Variants in KATNIP observed in about 807,000 individuals in gnomAD.
KATNIP encodes katanin interacting protein.
KATNIP carries 126 observed loss-of-function variants against 174.0 expected under a neutral mutation model. That is an observed-to-expected ratio of 0.72 (90% CI 0.63 to 0.84). KATNIP has a LOEUF of 0.84. KATNIP is among the 40% of genes least tolerant of loss of function. KATNIP has a pLI of 0.00. For synonymous variants in KATNIP, 810 were observed against 835.7 expected (o/e 0.97, Z 0.53); for missense variants, 1,958 against 2,109.7 (o/e 0.93, Z 1.41).
chr16:27,770,405 A>G (rs1242528254), intron 21 of KATNIP, among the ~76,000 whole-genome samples: 1 of 152,242 alleles, frequency 6.6e-6, no homozygotes, highest in Non-Finnish European at 1.5e-5. Context: ...TTAATATTTC[A>G]TGGATTCACT....
In KATNIP at chr16:27,648,957, G is replaced by T. The variant is rs542900563; in HGVS notation, c.540+222G>T. On this transcript the variant is annotated intron_variant, in intron 6 of 27. Coordinates refer to ENST00000261588, the MANE Select transcript of KATNIP (RefSeq NM_015202.5). Reference sequence around the variant, plus strand: ...GTGACCAGGGGTCGGTGAGGCTGGGGTCTGACTTCTAAGGGTCACTAGCAC... The same window carrying T: ...GTGACCAGGGGTCGGTGAGGCTGGGTTCTGACTTCTAAGGGTCACTAGCAC... Among the ~76,000 whole-genome samples, 9 of 152,352 alleles carry T rather than the reference G, an allele frequency of 5.9e-5. No homozygotes were observed. In the East Asian group the frequency reaches 1.4e-3, roughly 23 times the overall value.
At chr16:27,670,129 C>A (rs115542400) in intron 6 of KATNIP, among the ~76,000 whole-genome samples, 1 of 152,230 alleles carries the variant, frequency 6.6e-6, no homozygotes, top group South Asian at 2.1e-4. Flanking sequence ...AAATAGCCAT[C>A]GGTTTAATAC....
chr16:27,613,077 G>A (rs746206577), intron 2 of KATNIP, among the ~76,000 whole-genome samples: 3 of 151,596 alleles, frequency 2.0e-5, no homozygotes, highest in Non-Finnish European at 4.4e-5. Flanking sequence ...CGGGCAACAC[G>A]ACAAAACCAC....
intron 8 of KATNIP, among the ~76,000 whole-genome samples, chr16:27,683,473 G>C (rs2078418725): frequency 6.6e-6 from 1 of 152,184 alleles, no homozygotes; most frequent in African/African-American, 2.4e-5. Flanking sequence ...CTGGAAAGAG[G>C]CCTGCCTGGG....
chr16:27,618,456 A>G lies in KATNIP; in HGVS notation c.95A>G (p.Asp32Gly), dbSNP rs767241600. ...GCTAAGGACATGGTGACAGACTTTG[A>G]TGAGAAACATGATGAGTATTTAATA... ...GYAKDMVTDF[D>G]EKHDEYLILL... is the part of the protein sequence containing the mutation. The change falls in exon 3 of 28, where the codon GAT becomes GGT. Residue 32 changes from aspartate (D) to glycine (G), a missense_variant. Asp to Gly is a moderately conservative substitution (Grantham distance 94). Coordinates refer to ENST00000261588, the MANE Select transcript of KATNIP (RefSeq NM_015202.5). 7 of 1,613,536 alleles carry G rather than the reference A, an allele frequency of 4.3e-6. No individual in the cohort carries two copies. The East Asian group carries it at 8.9e-5, about 21-fold the overall frequency.
chr16:27,763,578 A>C (rs1003209347), intron 19 of KATNIP, among the ~76,000 whole-genome samples: 23 of 148,814 alleles, frequency 1.5e-4, no homozygotes, highest in Admixed American at 8.7e-4. Flanking sequence ...TTGTGCCACT[A>C]CATTCCAGCC....
chr16:27,690,944 CT>C (rs922082668), intron 8 of KATNIP, among the ~76,000 whole-genome samples: 10 of 151,082 alleles, frequency 6.6e-5, no homozygotes, highest in Middle Eastern at 3.4e-3. Flanking sequence ...GGTGGATTTC[CT>C]TTTTTTTTGA....
rs140252100 is a variant in KATNIP, at chr16:27,600,069, A to G, written c.64-18356A>G. Among the ~76,000 whole-genome samples, 790 of 152,128 alleles carry G rather than the reference A, an allele frequency of 5.2e-3. 6 individuals are homozygous for G. The highest frequency in any genetic ancestry group is 8.6e-3 in the Non-Finnish European group (588 of 67,996). On this transcript the variant is annotated intron_variant, in intron 2 of 27. Coordinates refer to ENST00000261588, the MANE Select transcript of KATNIP (RefSeq NM_015202.5). Reference sequence around the variant, plus strand: ...CCCCCACCTTCCGAGCACTGACGTCATACATTTGGTAGGTCATTTGATTAA... The same window carrying G: ...CCCCCACCTTCCGAGCACTGACGTCGTACATTTGGTAGGTCATTTGATTAA...
intron 4 of KATNIP, among the ~76,000 whole-genome samples, chr16:27,630,255 G>A (rs2076446716): frequency 6.6e-6 from 1 of 152,152 alleles, no homozygotes; most frequent in African/African-American, 2.4e-5. Context: ...GTTTCCTCTT[G>A]CATAAAATGG....
chr16:27,728,006 C>G (rs2080517842), intron 14 of KATNIP: 1 of 152,268 alleles, frequency 6.6e-6, no homozygotes, highest in Non-Finnish European at 1.5e-5. Flanking sequence ...TTCTTTTACA[C>G]TTGGTTTGTT....
At chr16:27,587,301 C>T (rs2090939855) in intron 2 of KATNIP, among the ~76,000 whole-genome samples, 2 of 152,220 alleles carry the variant, frequency 1.3e-5, no homozygotes, top group South Asian at 4.1e-4. Flanking sequence ...ATCCTGTCCA[C>T]ACCGTGTTCC....
chr16:27,756,967 G>A (rs2081756154), intron 18 of KATNIP, among the ~76,000 whole-genome samples: 1 of 152,180 alleles, frequency 6.6e-6, no homozygotes, highest in African/African-American at 2.4e-5. Flanking sequence ...AGCAGTCCCA[G>A]ATGAAAGACA....
At chr16:27,636,266 A>G (rs2076633112) in intron 5 of KATNIP, among the ~76,000 whole-genome samples, 1 of 152,228 alleles carries the variant, frequency 6.6e-6, no homozygotes, top group South Asian at 2.1e-4. Context: ...AAGTCCAGCT[A>G]CTGCCTTTGG....
chr16:27,690,185 C>T (rs1016196111), intron 8 of KATNIP, among the ~76,000 whole-genome samples: 1 of 151,872 alleles, frequency 6.6e-6, no homozygotes, highest in African/African-American at 2.4e-5. Flanking sequence ...TGATGTGGTG[C>T]ATGCCTGTGG....
chr16:27,578,406 T>C (rs1424745774), intron 2 of KATNIP, among the ~76,000 whole-genome samples: 1 of 152,118 alleles, frequency 6.6e-6, no homozygotes, highest in Non-Finnish European at 1.5e-5. Context: ...CTGGCCTCTC[T>C]GGCCCTAAAG....
At chr16:27,610,488 C>T (rs1437019825) in intron 2 of KATNIP, among the ~76,000 whole-genome samples, 3 of 151,906 alleles carry the variant, frequency 2.0e-5, no homozygotes, top group African/African-American at 4.8e-5. Flanking sequence ...TTTGATAGTC[C>T]GAAGAAAGTT....
intron 10 of KATNIP, among the ~76,000 whole-genome samples, chr16:27,700,769 G>A (rs984396812): frequency 5.3e-5 from 8 of 152,326 alleles, no homozygotes; most frequent in African/African-American, 1.9e-4. Context: ...GAAGCAGAGG[G>A]AGACAGAGCC....
At chr16:27,715,826 T>C (rs1302805232) in intron 13 of KATNIP, among the ~76,000 whole-genome samples, 1 of 152,178 alleles carries the variant, frequency 6.6e-6, no homozygotes, top group Non-Finnish European at 1.5e-5. Flanking sequence ...AATTGGAACC[T>C]TCATTCTTTG....
intron 6 of KATNIP, among the ~76,000 whole-genome samples, chr16:27,664,896 C>T (rs1216048154): frequency 6.6e-6 from 1 of 152,086 alleles, no homozygotes; most frequent in African/African-American, 2.4e-5. Flanking sequence ...GTGAGTTCAG[C>T]ATCAAGATGT....
Sources: allele counts gnomAD v4.1 joint callset (sites outside exome capture counted in the v4.1 genomes callset), GRCh38; gene constraint gnomAD v4.1.1; transcripts MANE v1.5; gene names NCBI Gene and HGNC (gene_info 2026-07-23, HGNC 2026-07-21).